UNC79: variants seen among roughly 807,000 people sequenced by gnomAD.
UNC79 encodes the protein protein unc-79 homolog.
Under a neutral mutation model 283.1 loss-of-function variants are expected in UNC79, and 37 were observed. The ratio of observed to expected loss-of-function variants is 0.13; its 90% CI spans 0.10 to 0.17. UNC79 has a LOEUF of 0.17. Ranked by LOEUF, UNC79 falls within the 10% of genes least tolerant of loss-of-function variation. The pLI is 1.00. For missense variants in UNC79, 2,272 were observed against 3,211.1 expected (o/e 0.71, Z 7.07); for synonymous variants, 1,107 against 1,200.2 (o/e 0.92, Z 1.61).
chr14:93,486,423 G>A (rs1044405561), intron 4 of UNC79, among the ~76,000 whole-genome samples: 20 of 151,872 alleles, frequency 1.3e-4, no homozygotes, highest in Non-Finnish European at 1.9e-4. Context: ...CTGGGAGGCC[G>A]AAGTGGGTGG....
rs1595163546 is a variant in UNC79 at position 93,704,680 on chromosome 14, T to C, written c.7590+14T>C. 1 of 1,614,126 alleles carries C rather than the reference T, an allele frequency of 6.2e-7. No individual in the cohort carries two copies. The highest frequency in any genetic ancestry group is 1.1e-5 in the South Asian group (1 of 91,084). ...TCAAATATCAAGGTAAGTCACTCCC[T>C]GGGCTGATTGGAAGCTCGGTTTCCT... On this transcript the variant is annotated intron_variant, in intron 48 of 48. Coordinates refer to ENST00000555664, the Ensembl canonical transcript of UNC79.
upstream of UNC79, among the ~76,000 whole-genome samples, chr14:93,426,192 A>G (rs949245115): frequency 1.3e-5 from 2 of 151,908 alleles, no homozygotes; most frequent in African/African-American, 4.8e-5. Context: ...AGTCAGTGTT[A>G]ATTTGCATTG....
At chr14:93,509,655 C>T (rs1326147738) in intron 7 of UNC79, among the ~76,000 whole-genome samples, 1 of 152,214 alleles carries the variant, frequency 6.6e-6, no homozygotes, top group Non-Finnish European at 1.5e-5. Flanking sequence ...TGTATCACAT[C>T]CAGGCCACAC....
At chr14:93,404,493 A>AAAAAAAAAAAATATATATATATATAT in intron 1 of UNC79, among the ~76,000 whole-genome samples, 12 of 61,498 alleles carry the variant, frequency 2.0e-4, no homozygotes, top group African/African-American at 6.0e-4. Flanking sequence ...TTCTAAAAAA[A>AAAAAAAAAAAATATATATATATATAT]ATATATATAT....
chr14:93,679,998 G>C (rs1281210645), intron 41 of UNC79, among the ~76,000 whole-genome samples: 2 of 152,148 alleles, frequency 1.3e-5, no homozygotes, highest in Non-Finnish European at 2.9e-5. Context: ...TTGTGCATCT[G>C]ATGTAAAAAT....
chr14:93,391,294 A>C (rs931854959), intron 1 of UNC79, among the ~76,000 whole-genome samples: 3 of 152,156 alleles, frequency 2.0e-5, no homozygotes, highest in African/African-American at 7.2e-5. Context: ...AGGAAAAGAA[A>C]CTTGACTTTT....
At chr14:93,492,836 ATTCAGTG>A (rs1260931423) in intron 5 of UNC79, among the ~76,000 whole-genome samples, 3 of 152,178 alleles carry the variant, frequency 2.0e-5, no homozygotes, top group African/African-American at 7.2e-5. Flanking sequence ...GCACTTGAGA[ATTCAGTG>A]ATGGCTTAAG....
chr14:93,409,289 T>C (rs2055288408), intron 1 of UNC79, among the ~76,000 whole-genome samples: 1 of 152,208 alleles, frequency 6.6e-6, no homozygotes, highest in African/African-American at 2.4e-5. Flanking sequence ...AAATATAATA[T>C]GAAATAATAT....
intron 1 of UNC79, among the ~76,000 whole-genome samples, chr14:93,400,484 G>T (rs2055086144): frequency 6.6e-6 from 1 of 152,146 alleles, no homozygotes; most frequent in Non-Finnish European, 1.5e-5. Context: ...AAAGCATCCT[G>T]GGAGTTCAGA....
intron 2 of UNC79, among the ~76,000 whole-genome samples, chr14:93,469,035 C>G (rs1467281909): frequency 6.6e-6 from 1 of 152,154 alleles, no homozygotes; most frequent in Non-Finnish European, 1.5e-5. Context: ...TCCTTTATGA[C>G]AAATTCTGAA....
intron 40 of UNC79, among the ~76,000 whole-genome samples, chr14:93,669,246 GA>G (rs888610687): frequency 3.9e-5 from 6 of 151,916 alleles, no homozygotes; most frequent in Non-Finnish European, 5.9e-5. Context: ...AAAGTAAAAA[GA>G]AAAAAAGTGA....
At chr14:93,696,540 G>A (rs1198816759) in intron 47 of UNC79, among the ~76,000 whole-genome samples, 1 of 152,116 alleles carries the variant, frequency 6.6e-6, no homozygotes, top group African/African-American at 2.4e-5. Context: ...TCTTGTTGTG[G>A]TTTTAAATAG....
intron 7 of UNC79, among the ~76,000 whole-genome samples, chr14:93,497,994 T>C (rs2059096923): frequency 6.6e-6 from 1 of 150,592 alleles, no homozygotes; most frequent in Non-Finnish European, 1.5e-5. Flanking sequence ...AAAAAAAAAA[T>C]TAAGTGACCC....
chr14:93,633,785 G>C (rs1036915291), intron 31 of UNC79, among the ~76,000 whole-genome samples: 1 of 152,110 alleles, frequency 6.6e-6, no homozygotes, highest in Non-Finnish European at 1.5e-5. Context: ...TCACTGATGG[G>C]ATATGTTTCA....
At chr14:93,584,477 G>A (rs1223250999) in intron 20 of UNC79, among the ~76,000 whole-genome samples, 2 of 152,178 alleles carry the variant, frequency 1.3e-5, no homozygotes, top group Non-Finnish European at 2.9e-5. Flanking sequence ...TAATTAACTT[G>A]TTGTAGGTGC....
At chr14:93,352,490 T>C (rs2053997195) in intron 1 of UNC79, among the ~76,000 whole-genome samples, 1 of 152,198 alleles carries the variant, frequency 6.6e-6, no homozygotes, top group South Asian at 2.1e-4. Flanking sequence ...AATAATACTG[T>C]ATGTTGGGAA....
intron 1 of UNC79, chr14:93,335,026 AC>A (rs1415476162): frequency 6.6e-6 from 1 of 152,262 alleles, no homozygotes; most frequent in African/African-American, 2.4e-5. Flanking sequence ...AATTTAAAAA[AC>A]AAAATTAAAA....
intron 1 of UNC79, among the ~76,000 whole-genome samples, chr14:93,454,626 A>G (rs1566945677): frequency 6.6e-6 from 1 of 152,170 alleles, no homozygotes; most frequent in Admixed American, 6.5e-5. Flanking sequence ...CAATACAACT[A>G]TTATTTTTCT....
chr14:93,662,079 C>A (rs926756111), intron 39 of UNC79, among the ~76,000 whole-genome samples: 9 of 152,114 alleles, frequency 5.9e-5, no homozygotes, highest in African/African-American at 1.9e-4. Flanking sequence ...GGGTAGGATT[C>A]AGGGGGAGAA....
Sources: allele counts gnomAD v4.1 joint callset (sites outside exome capture counted in the v4.1 genomes callset), GRCh38; gene constraint gnomAD v4.1.1; transcripts MANE v1.5; gene names NCBI Gene and HGNC (gene_info 2026-07-23, HGNC 2026-07-21).